Variants in CTNNA3 observed in about 807,000 individuals in gnomAD.
CTNNA3 encodes the protein catenin alpha 3.
CTNNA3 carries 76 observed loss-of-function variants against 95.7 expected under a neutral mutation model. That is an observed-to-expected ratio of 0.79 (90% CI 0.66 to 0.96). The LOEUF (loss-of-function observed/expected upper bound fraction) is 0.96, where lower values mean the gene tolerates loss of function less well. Ranked by LOEUF, CTNNA3 falls within the 40% of genes least tolerant of loss-of-function variation. The pLI, the probability that CTNNA3 is intolerant of heterozygous loss-of-function variation, is 0.00. For missense variants in CTNNA3, 1,191 were observed against 1,089.8 expected (o/e 1.09, Z -1.31); for synonymous variants, 431 against 374.4 (o/e 1.15, Z -1.74).
intron 9 of CTNNA3, among the ~76,000 whole-genome samples, chr10:66,703,718 AC>A (rs2132580606): frequency 6.6e-6 from 1 of 152,296 alleles, no homozygotes; most frequent in African/African-American, 2.4e-5. Context: ...CTGCATTAGC[AC>A]ATGCCAGCAC....
chr10:66,666,815 C>T (rs201944567), intron 9 of CTNNA3, among the ~76,000 whole-genome samples: 1 of 151,626 alleles, frequency 6.6e-6, no homozygotes, highest in East Asian at 2.0e-4. Flanking sequence ...AAAAAACTTA[C>T]TTTTTTAATG....
At chr10:66,222,642 GA>G (rs1258784477) in intron 13 of CTNNA3, among the ~76,000 whole-genome samples, 1 of 140,978 alleles carries the variant, frequency 7.1e-6, no homozygotes, top group Non-Finnish European at 1.5e-5. Flanking sequence ...AAGAAAGAAA[GA>G]AAAGAGAGGA....
intron 7 of CTNNA3, among the ~76,000 whole-genome samples, chr10:67,107,714 A>AT (rs879402395): frequency 0.017 from 2,618 of 152,330 alleles, 79 homozygotes; most frequent in East Asian, 0.11. Context: ...CCATGATCAA[A>AT]ATCATTTAGG....
intron 11 of CTNNA3, among the ~76,000 whole-genome samples, chr10:66,460,371 A>G (rs1003092115): frequency 6.6e-6 from 1 of 152,172 alleles, no homozygotes; most frequent in African/African-American, 2.4e-5. Flanking sequence ...TGGTGCATTG[A>G]CCTATATTCT....
chr10:67,667,021 G>A (rs937791878), intron 1 of CTNNA3, among the ~76,000 whole-genome samples: 7 of 152,030 alleles, frequency 4.6e-5, no homozygotes, highest in South Asian at 2.1e-4. Flanking sequence ...TTAGAAAATC[G>A]AAAACAAATC....
chr10:67,442,713 C>T (rs974768208), intron 5 of CTNNA3, among the ~76,000 whole-genome samples: 2 of 151,640 alleles, frequency 1.3e-5, no homozygotes, highest in Non-Finnish European at 2.9e-5. Context: ...GATAGAGCAC[C>T]CAGATATATA....
intron 13 of CTNNA3, among the ~76,000 whole-genome samples, chr10:66,158,936 A>G (rs2084694535): frequency 6.6e-6 from 1 of 151,642 alleles, no homozygotes; most frequent in African/African-American, 2.4e-5. Context: ...AAAGGGGTTG[A>G]GTTCTTGATT....
chr10:65,955,847 CTCTT>C (rs1467890775), intron 17 of CTNNA3, among the ~76,000 whole-genome samples: 4 of 152,034 alleles, frequency 2.6e-5, no homozygotes, highest in Non-Finnish European at 4.4e-5. Context: ...GTCTAAAATT[CTCTT>C]TTTTTGTTGT....
At chr10:67,379,996 G>T (rs1200698577) in intron 5 of CTNNA3, among the ~76,000 whole-genome samples, 2 of 134,256 alleles carry the variant, frequency 1.5e-5, no homozygotes, top group Non-Finnish European at 3.1e-5. Flanking sequence ...ACTCCAGCCT[G>T]GGCGACAGAG....
At chr10:66,576,946 CCAG>C (rs1843022185) in intron 10 of CTNNA3, among the ~76,000 whole-genome samples, 1 of 151,108 alleles carries the variant, frequency 6.6e-6, no homozygotes, top group African/African-American at 2.4e-5. Context: ...TATATTCCTA[CCAG>C]CAGTGTATAA....
intron 13 of CTNNA3, among the ~76,000 whole-genome samples, chr10:66,150,327 C>T (rs1993810): frequency 0.18 from 26,985 of 152,114 alleles, 2,601 homozygotes; most frequent in Admixed American, 0.25. Flanking sequence ...GATTGTGAGG[C>T]CTTGCCAGGC....
intron 1 of CTNNA3, among the ~76,000 whole-genome samples, chr10:67,716,690 A>G (rs1192194019): frequency 1.3e-5 from 2 of 152,164 alleles, no homozygotes; most frequent in Non-Finnish European, 2.9e-5. Flanking sequence ...CATGGTGTGT[A>G]TGTGCCACAT....
intron 7 of CTNNA3, among the ~76,000 whole-genome samples, chr10:67,065,103 A>G (rs1855996237): frequency 6.6e-6 from 1 of 152,180 alleles, no homozygotes; most frequent in African/African-American, 2.4e-5. Flanking sequence ...CCATGATCCT[A>G]TGACATGAGG....
intron 13 of CTNNA3, among the ~76,000 whole-genome samples, chr10:66,258,815 T>A (rs975201721): frequency 6.6e-6 from 1 of 152,196 alleles, no homozygotes; most frequent in African/African-American, 2.4e-5. Flanking sequence ...TTTGCTTCAC[T>A]GCTAATTACC....
intron 5 of CTNNA3, among the ~76,000 whole-genome samples, chr10:67,255,994 A>G (rs1231625798): frequency 6.6e-6 from 1 of 152,076 alleles, no homozygotes; most frequent in African/African-American, 2.4e-5. Flanking sequence ...AATATAATAG[A>G]TATAGAGTAT....
chr10:66,449,448 C>G (rs1316634409), intron 11 of CTNNA3, among the ~76,000 whole-genome samples: 1 of 152,108 alleles, frequency 6.6e-6, no homozygotes, highest in Non-Finnish European at 1.5e-5. Context: ...TTACATGAAA[C>G]AAATTGTCAT....
intron 13 of CTNNA3, among the ~76,000 whole-genome samples, chr10:66,112,876 T>C (rs1358169200): frequency 6.6e-6 from 1 of 152,180 alleles, no homozygotes; most frequent in Admixed American, 6.5e-5. Context: ...CATCTGTCAA[T>C]GAACACTTAG....
At chr10:66,041,760 T>C (rs554127189) in intron 15 of CTNNA3, among the ~76,000 whole-genome samples, 9 of 152,326 alleles carry the variant, frequency 5.9e-5, no homozygotes, top group African/African-American at 1.7e-4. Flanking sequence ...CTGTACTTTC[T>C]GGTCTTTCTC....
rs61615069 is a variant in CTNNA3 at position 66,984,456 on chromosome 10, A to T, written c.1047+195861T>A. On this transcript the variant is annotated intron_variant, in intron 7 of 17. Coordinates refer to ENST00000433211, the MANE Select transcript of CTNNA3 (RefSeq NM_013266.4). ...GACCAAATGTAAATATGAGAGAAAG[A>T]GTAATTACTAGAAGTAACACTAAGG... is the stretch of plus-strand genomic sequence containing the variant. Among the ~76,000 whole-genome samples the T allele has an allele frequency of 6.2e-3, 950 of 152,312 alleles. 9 individuals carry two copies. The highest frequency in any genetic ancestry group is 0.022 in the African/African-American group (907 of 41,580).
Sources: allele counts gnomAD v4.1 joint callset (sites outside exome capture counted in the v4.1 genomes callset), GRCh38; gene constraint gnomAD v4.1.1; transcripts MANE v1.5; gene names NCBI Gene and HGNC (gene_info 2026-07-23, HGNC 2026-07-21).